The following LRP1B variants were observed in gnomAD, a reference collection of about 807,000 sequenced individuals.
The protein encoded by LRP1B is low-density lipoprotein receptor-related protein 1B.
LRP1B carries 217 observed loss-of-function variants against 556.6 expected under a neutral mutation model. The ratio of observed to expected loss-of-function variants is 0.39; its 90% CI spans 0.35 to 0.44. LRP1B has a LOEUF of 0.44. Ranked by LOEUF, LRP1B falls within the 20% of genes least tolerant of loss-of-function variation. LRP1B has a pLI of 1.00. For missense variants in LRP1B, 5,053 were observed against 5,620.8 expected (o/e 0.90, Z 3.23); for synonymous variants, 2,047 against 1,865.8 (o/e 1.10, Z -2.50).
chr2:141,366,146 C>G lies in LRP1B; in HGVS notation c.344-111505G>C, dbSNP rs60053809. On this transcript the variant is annotated intron_variant, in intron 3 of 90. Coordinates refer to ENST00000389484, the MANE Select transcript of LRP1B (RefSeq NM_018557.3). ...ACAAATCTACTCTACAGATATATCTCAAAATTACAGATTATTTGGTCATTT... is the reference window on the plus strand; with the variant it reads ...ACAAATCTACTCTACAGATATATCTGAAAATTACAGATTATTTGGTCATTT... 6.7e-3 allele frequency among the ~76,000 whole-genome samples: 1,021 copies of G among 152,266 alleles called. 13 individuals are homozygous for G. Among genetic ancestry groups the G allele is most frequent in the African/African-American group, 0.024 (978 of 41,538 alleles).
At chr2:140,728,883 T>C (rs1001199133) in intron 35 of LRP1B, among the ~76,000 whole-genome samples, 4 of 152,050 alleles carry the variant, frequency 2.6e-5, no homozygotes, top group African/African-American at 9.7e-5. Flanking sequence ...ATGGAAGTAA[T>C]AGAACTGTGA....
chr2:141,204,583 A>G lies in LRP1B; in HGVS notation c.851-16000T>C, dbSNP rs1162870025. On this transcript the variant is annotated intron_variant, in intron 6 of 90. Transcript: ENST00000389484. ...AAAGAAATGTACTTACATGTTTGAG[A>G]TGAGGAAAGGAGAACTATAAAATAT... is the stretch of plus-strand genomic sequence containing the variant. 2.0e-5 allele frequency among the ~76,000 whole-genome samples: 3 copies of G among 152,188 alleles called. No individual in the cohort carries two copies. The East Asian group carries it at 5.8e-4, about 29-fold the overall frequency.
intron 6 of LRP1B, among the ~76,000 whole-genome samples, chr2:141,226,511 A>G (rs1683255761): frequency 6.6e-6 from 1 of 152,092 alleles, no homozygotes; most frequent in Admixed American, 6.6e-5. Context: ...ATCCTTTGAA[A>G]ACTAAAATGT....
At chr2:141,518,550 T>C (rs1234919437) in intron 2 of LRP1B, among the ~76,000 whole-genome samples, 1 of 152,130 alleles carries the variant, frequency 6.6e-6, no homozygotes, top group Admixed American at 6.6e-5. Context: ...AAGCAGAGGC[T>C]AAAAAATTGA....
At chr2:140,561,999 G>A (rs1680948823) in intron 43 of LRP1B, among the ~76,000 whole-genome samples, 1 of 151,956 alleles carries the variant, frequency 6.6e-6, no homozygotes, top group Admixed American at 6.6e-5. Context: ...CCTTGCAACA[G>A]ATAAAGAAAA....
intron 2 of LRP1B, among the ~76,000 whole-genome samples, chr2:141,485,386 G>A (rs1432791290): frequency 1.3e-5 from 2 of 152,092 alleles, no homozygotes; most frequent in Non-Finnish European, 2.9e-5. Flanking sequence ...TTTAGAGGTG[G>A]CCCCAGGCCC....
intron 32 of LRP1B, among the ~76,000 whole-genome samples, chr2:140,813,340 C>T (rs1215351103): frequency 6.6e-6 from 1 of 152,126 alleles, no homozygotes; most frequent in Non-Finnish European, 1.5e-5. Context: ...GTGACAAATG[C>T]ACTAGGCCCT....
intron 7 of LRP1B, among the ~76,000 whole-genome samples, chr2:141,119,476 A>C (rs1473471630): frequency 6.6e-6 from 1 of 151,798 alleles, no homozygotes; most frequent in East Asian, 1.9e-4. Context: ...AGAGGGAGGA[A>C]TACAATTTCA....
At chr2:141,490,628 G>A (rs1359980066) in intron 2 of LRP1B, among the ~76,000 whole-genome samples, 1 of 152,068 alleles carries the variant, frequency 6.6e-6, no homozygotes, top group African/African-American at 2.4e-5. Flanking sequence ...CATATTGAGT[G>A]TGTTGCTTTC....
intron 2 of LRP1B, among the ~76,000 whole-genome samples, chr2:141,620,461 T>G (rs1220279268): frequency 6.6e-6 from 1 of 152,232 alleles, no homozygotes; most frequent in Non-Finnish European, 1.5e-5. Flanking sequence ...AACCATGAAT[T>G]AAATAGAAAT....
intron 2 of LRP1B, among the ~76,000 whole-genome samples, chr2:141,670,499 G>A (rs532252608): frequency 1.3e-5 from 2 of 152,290 alleles, no homozygotes; most frequent in Non-Finnish European, 2.9e-5. Flanking sequence ...CTTAGGCTAT[G>A]GGCAAGGGGA....
chr2:141,463,871 T>C (rs1474947583), intron 3 of LRP1B, among the ~76,000 whole-genome samples: 1 of 129,014 alleles, frequency 7.8e-6, no homozygotes, highest in African/African-American at 2.6e-5. Flanking sequence ...TTATATATAA[T>C]ATATATCATT....
At chr2:141,167,863 A>G (rs1489703708) in intron 7 of LRP1B, among the ~76,000 whole-genome samples, 1 of 152,038 alleles carries the variant, frequency 6.6e-6, no homozygotes, top group Non-Finnish European at 1.5e-5. Flanking sequence ...AGTGATTAAT[A>G]TATATTTACA....
chr2:141,931,188 A>G (rs1427440464), intron 1 of LRP1B, among the ~76,000 whole-genome samples: 1 of 152,076 alleles, frequency 6.6e-6, no homozygotes, highest in African/African-American at 2.4e-5. Context: ...TGTATCAAGT[A>G]AAATAATTAT....
At chr2:140,808,754 G>A (rs1573746945) in intron 32 of LRP1B, among the ~76,000 whole-genome samples, 1 of 152,262 alleles carries the variant, frequency 6.6e-6, no homozygotes. Context: ...GCTGTTAGGG[G>A]TGCAAGTTCT....
rs1038738770 is a variant in LRP1B, at chr2:141,417,207, T to C, written c.343+63189A>G. On this transcript the variant is annotated intron_variant, in intron 3 of 90. Transcript: ENST00000389484. The stretch of plus-strand genomic sequence containing the variant: ...GCAGGCATATTTGCCAATTTAAAAA[T>C]GATCTCAAGATTTTTAATTATTGTG... Among the ~76,000 whole-genome samples, 16 of 152,210 alleles carry C rather than the reference T, an allele frequency of 1.1e-4. 1 individual carries two copies. Among genetic ancestry groups the C allele is most frequent in the Admixed American group, 5.2e-4 (8 of 15,286 alleles).
chr2:140,763,891 A>G (rs1689013318), intron 35 of LRP1B, among the ~76,000 whole-genome samples: 1 of 152,156 alleles, frequency 6.6e-6, no homozygotes, highest in Non-Finnish European at 1.5e-5. Context: ...ATTATTGAAG[A>G]AAGTTTGAAA....
chr2:141,512,489 A>G (rs1355555676), intron 2 of LRP1B, among the ~76,000 whole-genome samples: 1 of 152,148 alleles, frequency 6.6e-6, no homozygotes, highest in African/African-American at 2.4e-5. Context: ...AAAAAATGGA[A>G]ATGATTGGAG....
intron 41 of LRP1B, among the ~76,000 whole-genome samples, chr2:140,632,359 G>T (rs1482829593): frequency 6.6e-6 from 1 of 152,036 alleles, no homozygotes; most frequent in Admixed American, 6.6e-5. Flanking sequence ...AATGTTTTAA[G>T]GGATGTGAAG....
Sources: allele counts gnomAD v4.1 joint callset (sites outside exome capture counted in the v4.1 genomes callset), GRCh38; gene constraint gnomAD v4.1.1; transcripts MANE v1.5; gene names NCBI Gene and HGNC (gene_info 2026-07-23, HGNC 2026-07-21).